Variants in SOX12 observed in about 807,000 individuals in gnomAD.
SOX12 encodes transcription factor SOX-12.
In SOX12, 8 loss-of-function variants were observed where a neutral mutation model predicts 21.5. That is an observed-to-expected ratio of 0.37 (90% CI 0.22 to 0.67). SOX12 has a LOEUF of 0.67. SOX12 is among the 30% of genes least tolerant of loss of function. The pLI, the probability that SOX12 is intolerant of heterozygous loss-of-function variation, is 0.56. For synonymous variants in SOX12, 235 were observed against 224.2 expected, an observed-to-expected ratio of 1.05 and a Z score of -0.43; for missense variants, 400 against 482.6, an observed-to-expected ratio of 0.83 and a Z score of 1.60.
At position 326,785 on chromosome 20, in the gene SOX12, C is replaced by T. The variant is rs2013105000; in HGVS notation, c.861C>T (p.Phe287=). 2 of 1,613,666 alleles carry T rather than the reference C, an allele frequency of 1.2e-6. No individual in the cohort carries two copies. The highest frequency in any genetic ancestry group is 1.7e-6 in the Non-Finnish European group (2 of 1,179,886). ...QPPSGTSHFE[F]PDYCTPEVTE... ...CCTCGGGCACGTCGCACTTCGAGTT[C>T]CCGGACTACTGCACCCCCGAGGTTA... The change falls in exon 1 of 1, where the codon TTC becomes TTT. Residue 287 remains phenylalanine (F), a synonymous_variant. Coordinates refer to ENST00000342665, the MANE Select transcript of SOX12 (RefSeq NM_006943.4). The surrounding 1 kb of genome is among the most constrained non-coding windows in gnomAD (Gnocchi z 9.9).
rs1241815773 is a variant in SOX12 at position 328,296 on chromosome 20, GCCCT to G, written c.*1426_*1429del. 1.1e-5 allele frequency: 1 copy of G among 89,740 alleles called. No individual in the cohort carries two copies. Among genetic ancestry groups the G allele is most frequent in the Non-Finnish European group, 2.8e-5 (1 of 35,254 alleles). 5.6% of individuals were successfully genotyped at this position (89,740 alleles called of 1,614,324 possible). On this transcript the variant is annotated 3_prime_UTR_variant, in exon 1 of 1. Transcript: ENST00000342665. ...CCTCCGGCCTCCCCACACCCCCCTT[GCCCT>G]CACTACCTGTATCTCACCGGCGTGT... is the stretch of plus-strand genomic sequence containing the variant.
chr20:329,482 G>C lies in SOX12; in HGVS notation c.*2610G>C, dbSNP rs574505291. ...CTTCCTGGTGAAGCATGGCTTCGGG[G>C]TGCTGCCTCTCCCTCCCTGTTTGAA... On this transcript the variant is annotated 3_prime_UTR_variant, in exon 1 of 1. Transcript: ENST00000342665. 7 of 167,178 alleles carry C rather than the reference G, an allele frequency of 4.2e-5. No homozygotes were observed. Among genetic ancestry groups the C allele is most frequent in the African/African-American group, 1.7e-4 (7 of 41,582 alleles). The allele number at this position is 167,178 out of a possible 1,614,324, so 10.4% of individuals were successfully genotyped here.
rs1350911968 is a variant in SOX12, at chr20:326,634, C to T, written c.710C>T (p.Ala237Val). 7 of 1,547,032 alleles carry T rather than the reference C, an allele frequency of 4.5e-6. No individual in the cohort carries two copies. The highest frequency in any genetic ancestry group is 6.1e-6 in the Non-Finnish European group (7 of 1,144,578). ...PEEEEEEAAA[A>V]EEGEEETVAS... is the part of the protein sequence containing the mutation. ...GAAGAGGAGGAGGAGGCGGCAGCGGCTGAGGAAGGTGAAGAGGAGACGGTG... is the reference window on the plus strand; with the variant it reads ...GAAGAGGAGGAGGAGGCGGCAGCGGTTGAGGAAGGTGAAGAGGAGACGGTG... The change falls in exon 1 of 1, where the codon GCT becomes GTT. Residue 237 changes from alanine to valine, a missense_variant. Physicochemically the swap from Ala to Val is moderately conservative, Grantham distance 64. Coordinates refer to ENST00000342665, the MANE Select transcript of SOX12 (RefSeq NM_006943.4). This position sits in a 1 kb window ranked among gnomAD's most constrained non-coding sequence, Gnocchi z 9.9.
Position 326,573 on chromosome 20 carries a change from G to T in SOX12, c.649G>T (p.Ala217Ser). ...SGEGAAAAAA[A>S]SPTPSEDEEP... ...CGAGGGGGCGGCCGCCGCCGCCGCC[G>T]CCTCCCCGACACCGTCGGAGGACGA... The change falls in exon 1 of 1, where the codon GCC becomes TCC. Residue 217 changes from alanine (A) to serine (S), a missense_variant. Ala to Ser is a moderately conservative substitution (Grantham distance 99). Transcript: ENST00000342665. The surrounding 1 kb of genome is among the most constrained non-coding windows in gnomAD (Gnocchi z 9.9). 6.6e-7 allele frequency: 1 copy of T among 1,523,422 alleles called. No homozygotes were observed. Among genetic ancestry groups the T allele is most frequent in the Non-Finnish European group, 8.8e-7 (1 of 1,139,068 alleles). The allele number at this position is 1,523,422 out of a possible 1,614,324, so 94.4% of individuals were successfully genotyped here.
Position 328,521 on chromosome 20 carries a change from T to C in SOX12, c.*1649T>C, listed in dbSNP as rs1449619041. 12 of 150,612 alleles carry C rather than the reference T, an allele frequency of 8.0e-5. No individual in the cohort carries two copies. The highest frequency in any genetic ancestry group is 3.2e-4 in the African/African-American group (11 of 33,866). 9.3% of individuals were successfully genotyped at this position (150,612 alleles called of 1,614,324 possible). A position where few individuals can be genotyped will look rare whatever the true frequency, so the allele number is the denominator to read the frequency against. ...TCTGGGCCTTTCTTGCGCTCTATTT[T>C]TTTTTTTTTTTTTTTTAAGAAAAAC... On this transcript the variant is annotated 3_prime_UTR_variant, in exon 1 of 1. Coordinates refer to ENST00000342665, the MANE Select transcript of SOX12 (RefSeq NM_006943.4).
At position 327,069 on chromosome 20, in the gene SOX12, C is replaced by G. The variant is rs2013112336; in HGVS notation, c.*197C>G. The G allele has an allele frequency of 1.6e-6, 1 of 614,554 alleles. No homozygotes were observed. The highest frequency in any genetic ancestry group is 2.0e-5 in the African/African-American group (1 of 51,214). The allele number at this position is 614,554 out of a possible 1,614,324, so 38.1% of individuals were successfully genotyped here. On this transcript the variant is annotated 3_prime_UTR_variant, in exon 1 of 1. Transcript: ENST00000342665. Reference sequence around the variant, plus strand: ...ACCCCAAGGCAGCCCAACCCCCACCCCTTCCCCGACACCCAAGCCCCTCCC... The same window carrying G: ...ACCCCAAGGCAGCCCAACCCCCACCGCTTCCCCGACACCCAAGCCCCTCCC...
At position 327,006 on chromosome 20, in the gene SOX12, C is replaced by T. The variant is rs1333631391; in HGVS notation, c.*134C>T. On this transcript the variant is annotated 3_prime_UTR_variant, in exon 1 of 1. Coordinates refer to ENST00000342665, the MANE Select transcript of SOX12 (RefSeq NM_006943.4). ...CTGCCCCCTCCTGGACGTGCCCATC[C>T]CCCCTCAGATCCAGACATGCCCCTC... is the stretch of plus-strand genomic sequence containing the variant. The T allele has an allele frequency of 2.4e-6, 2 of 817,492 alleles. No homozygotes were observed. Among genetic ancestry groups the T allele is most frequent in the Admixed American group, 2.0e-5 (1 of 50,984 alleles). 50.6% of individuals were successfully genotyped at this position (817,492 alleles called of 1,614,324 possible).
Position 326,619 on chromosome 20 carries a change from A to G in SOX12, c.695A>G (p.Glu232Gly). ...SEDEEPEEEEEEAAAAEEGEE... is the reference protein window; with the variant it reads ...SEDEEPEEEEGEAAAAEEGEE... Reference sequence around the variant, plus strand: ...GACGAGGAGCCGGAGGAAGAGGAGGAGGAGGCGGCAGCGGCTGAGGAAGGT... The same window carrying G: ...GACGAGGAGCCGGAGGAAGAGGAGGGGGAGGCGGCAGCGGCTGAGGAAGGT... Residue 232 changes from glutamate (E) to glycine (G), a missense_variant, in exon 1 of 1, where the codon GAG becomes GGG. Coordinates refer to ENST00000342665, the MANE Select transcript of SOX12 (RefSeq NM_006943.4). This position sits in a 1 kb window ranked among gnomAD's most constrained non-coding sequence, Gnocchi z 9.9. 6.5e-7 allele frequency: 1 copy of G among 1,543,692 alleles called. No individual in the cohort carries two copies. Among genetic ancestry groups the G allele is most frequent in the Non-Finnish European group, 8.8e-7 (1 of 1,142,704 alleles).
Position 326,639 on chromosome 20 carries a change from G to A in SOX12, c.715G>A (p.Glu239Lys). 3 of 1,548,386 alleles carry A rather than the reference G, an allele frequency of 1.9e-6. No homozygotes were observed. The highest frequency in any genetic ancestry group is 1.7e-6 in the Non-Finnish European group (2 of 1,145,206). Residue 239 changes from glutamate to lysine, a missense_variant, in exon 1 of 1, where the codon GAA (glutamate) becomes AAA (lysine). Coordinates refer to ENST00000342665, the MANE Select transcript of SOX12 (RefSeq NM_006943.4). The surrounding 1 kb of genome is among the most constrained non-coding windows in gnomAD (Gnocchi z 9.9). ...EEEEEAAAAE[E>K]GEEETVASGE... ...GGAGGAGGAGGCGGCAGCGGCTGAG[G>A]AAGGTGAAGAGGAGACGGTGGCGTC...
In SOX12 at chr20:327,035, C is replaced by G; in HGVS notation, c.*163C>G. 1.5e-6 allele frequency: 1 copy of G among 681,498 alleles called. No homozygotes were observed. The highest frequency in any genetic ancestry group is 2.6e-6 in the Non-Finnish European group (1 of 380,718). 42.2% of individuals were successfully genotyped at this position (681,498 alleles called of 1,614,324 possible). A position where few individuals can be genotyped will look rare whatever the true frequency, so the allele number is the denominator to read the frequency against. On this transcript the variant is annotated 3_prime_UTR_variant, in exon 1 of 1. Transcript: ENST00000342665. ...CTCAGATCCAGACATGCCCCTCCCCCGCAGACACACCCCAAGGCAGCCCAA... is the reference window on the plus strand; with the variant it reads ...CTCAGATCCAGACATGCCCCTCCCCGGCAGACACACCCCAAGGCAGCCCAA...
rs1041476189 is a variant in SOX12 at position 326,448 on chromosome 20, A to G, written c.524A>G (p.Glu175Gly). Reference protein sequence around the residue: ...DDEDDDEELLEVRLVETPGRE... With the variant: ...DDEDDDEELLGVRLVETPGRE... ...GAAGACGACGACGAGGAGCTGCTGGAAGTGCGCCTGGTCGAGACCCCGGGG... is the reference window on the plus strand; with the variant it reads ...GAAGACGACGACGAGGAGCTGCTGGGAGTGCGCCTGGTCGAGACCCCGGGG... The change falls in exon 1 of 1, where the codon GAA becomes GGA. Residue 175 changes from glutamate to glycine, a missense_variant. By Grantham distance (98) the Glu-to-Gly change is moderately conservative. Around this residue, in one of 4 missense-constraint regions of SOX12, gnomAD observed 235 missense variants for 219.3 expected, o/e 1.07. Coordinates refer to ENST00000342665, the MANE Select transcript of SOX12 (RefSeq NM_006943.4). The surrounding 1 kb of genome is among the most constrained non-coding windows in gnomAD (Gnocchi z 9.9). 19 of 1,374,358 alleles carry G rather than the reference A, an allele frequency of 1.4e-5. No individual in the cohort carries two copies. Among genetic ancestry groups the G allele is most frequent in the Non-Finnish European group, 1.7e-5 (18 of 1,071,842 alleles). 85.1% of individuals were successfully genotyped at this position (1,374,358 alleles called of 1,614,324 possible). A position where few individuals can be genotyped will look rare whatever the true frequency, so the allele number is the denominator to read the frequency against.
In SOX12 at chr20:325,970, C is replaced by A; in HGVS notation, c.46C>A (p.Pro16Thr). Residue 16 changes from proline (P) to threonine (T), a missense_variant, in exon 1 of 1, where the codon CCG becomes ACG. Pro to Thr is a conservative substitution (Grantham distance 38, BLOSUM62 -1). Coordinates refer to ENST00000342665, the MANE Select transcript of SOX12 (RefSeq NM_006943.4). This position sits in a 1 kb window ranked among gnomAD's most constrained non-coding sequence, Gnocchi z 5.0. ...GAGGGCCAAGCGGGACGGCGGGCCG[C>A]CGCCCCCGGGACCCGGGCCGGCCGA... Reference protein sequence around the residue: ...GARAKRDGGPPPPGPGPAEEG... With the variant: ...GARAKRDGGPTPPGPGPAEEG... 2 of 1,398,340 alleles carry A rather than the reference C, an allele frequency of 1.4e-6. No homozygotes were observed. The highest frequency in any genetic ancestry group is 3.1e-5 in the East Asian group (1 of 31,768). 86.6% of individuals were successfully genotyped at this position (1,398,340 alleles called of 1,614,324 possible).
Position 327,257 on chromosome 20 carries a change from G to C in SOX12, c.*385G>C, listed in dbSNP as rs906829458. The C allele has an allele frequency of 2.5e-5, 6 of 236,158 alleles. No individual in the cohort carries two copies. Among genetic ancestry groups the C allele is most frequent in the Admixed American group, 2.3e-4 (4 of 17,320 alleles). 14.6% of individuals were successfully genotyped at this position (236,158 alleles called of 1,614,324 possible). ...TCCGGAATCTCTCCTCCCTCGCCCG[G>C]CCCGCCTTCTCTGGGTTAGGGGGGC... On this transcript the variant is annotated 3_prime_UTR_variant, in exon 1 of 1. Transcript: ENST00000342665.
chr20:326,387 T>C lies in SOX12; in HGVS notation c.463T>C (p.Leu155=), dbSNP rs920527550. The change falls in exon 1 of 1, where the codon TTG becomes CTG. Residue 155 remains leucine (L), a synonymous_variant. Transcript: ENST00000342665. This position sits in a 1 kb window ranked among gnomAD's most constrained non-coding sequence, Gnocchi z 9.9. The part of the protein sequence containing the change: ...RGGRRAAGGP[L]GGGAAAPEDD... ...GGGCCGCCGAGCAGCGGGAGGGCCTTTGGGGGGCGGGGCGGCGGCGCCCGA... is the reference window on the plus strand; with the variant it reads ...GGGCCGCCGAGCAGCGGGAGGGCCTCTGGGGGGCGGGGCGGCGGCGCCCGA... 68 of 1,332,450 alleles carry C rather than the reference T, an allele frequency of 5.1e-5. No homozygotes were observed. The highest frequency in any genetic ancestry group is 6.4e-5 in the Non-Finnish European group (67 of 1,045,848). The allele number at this position is 1,332,450 out of a possible 1,614,324, so 82.5% of individuals were successfully genotyped here. A position where few individuals can be genotyped will look rare whatever the true frequency, so the allele number is the denominator to read the frequency against.
At position 327,314 on chromosome 20, in the gene SOX12, T is replaced by C; in HGVS notation, c.*442T>C. ...GCCGGGTGGCAACGCACGCGCCTCC[T>C]GCGCCCCTCCCTTCCCTGGGGGGAG... On this transcript the variant is annotated 3_prime_UTR_variant, in exon 1 of 1. Coordinates refer to ENST00000342665, the MANE Select transcript of SOX12 (RefSeq NM_006943.4). 1 of 204,550 alleles carries C rather than the reference T, an allele frequency of 4.9e-6. No homozygotes were observed. Among genetic ancestry groups the C allele is most frequent in the Non-Finnish European group, 1.1e-5 (1 of 91,598 alleles). 12.7% of individuals were successfully genotyped at this position (204,550 alleles called of 1,614,324 possible).
In SOX12 at chr20:328,070, G is replaced by A. The variant is rs993999868; in HGVS notation, c.*1198G>A. On this transcript the variant is annotated 3_prime_UTR_variant, in exon 1 of 1. Transcript: ENST00000342665. ...TCTCGCTTTTAAACATCTGGTTTGG[G>A]AGAGACCATCGACTTGGCCAGTGAG... 5 of 167,200 alleles carry A rather than the reference G, an allele frequency of 3.0e-5. No individual in the cohort carries two copies. The highest frequency in any genetic ancestry group is 1.2e-4 in the African/African-American group (5 of 41,466). 10.4% of individuals were successfully genotyped at this position (167,200 alleles called of 1,614,324 possible). A position where few individuals can be genotyped will look rare whatever the true frequency, so the allele number is the denominator to read the frequency against.
chr20:325,811 G>C lies in SOX12; in HGVS notation c.-114G>C. The C allele has an allele frequency of 2.1e-6, 1 of 469,390 alleles. No homozygotes were observed. Among genetic ancestry groups the C allele is most frequent in the Non-Finnish European group, 2.8e-6 (1 of 356,038 alleles). 29.1% of individuals were successfully genotyped at this position (469,390 alleles called of 1,614,324 possible). A position where few individuals can be genotyped will look rare whatever the true frequency, so the allele number is the denominator to read the frequency against. On this transcript the variant is annotated 5_prime_UTR_variant, in exon 1 of 1. Transcript: ENST00000342665. This position sits in a 1 kb window ranked among gnomAD's most constrained non-coding sequence, Gnocchi z 5.0. ...TCGCTCCCCAGTTCGCGGGGGCCGG[G>C]CCGAGCCGCGGGGCGGGGCCGCCCC...
In SOX12 at chr20:327,160, T is replaced by G; in HGVS notation, c.*288T>G. On this transcript the variant is annotated 3_prime_UTR_variant, in exon 1 of 1. Transcript: ENST00000342665. ...CTCCGATACACCTCCCGTCCTCTCC[T>G]ACAGACCTGCACCCCTCCCCCCTTT... The G allele has an allele frequency of 2.4e-6, 1 of 408,692 alleles. No individual in the cohort carries two copies. The highest frequency in any genetic ancestry group is 4.7e-6 in the Non-Finnish European group (1 of 213,772). The allele number at this position is 408,692 out of a possible 1,614,324, so 25.3% of individuals were successfully genotyped here.
chr20:326,457 T>A lies in SOX12; in HGVS notation c.533T>A (p.Leu178Gln), dbSNP rs372611150. 1.4e-6 allele frequency: 2 copies of A among 1,381,750 alleles called. No homozygotes were observed. Among genetic ancestry groups the A allele is most frequent in the Non-Finnish European group, 9.3e-7 (1 of 1,076,504 alleles). 85.6% of individuals were successfully genotyped at this position (1,381,750 alleles called of 1,614,324 possible). Residue 178 changes from leucine (L) to glutamine (Q), a missense_variant, in exon 1 of 1, where the codon CTG (leucine) becomes CAG (glutamine). By Grantham distance (113) the Leu-to-Gln change is moderately radical. Coordinates refer to ENST00000342665, the MANE Select transcript of SOX12 (RefSeq NM_006943.4). The surrounding 1 kb of genome is among the most constrained non-coding windows in gnomAD (Gnocchi z 9.9). ...GACGAGGAGCTGCTGGAAGTGCGCCTGGTCGAGACCCCGGGGCGGGAGCTG... is the reference window on the plus strand; with the variant it reads ...GACGAGGAGCTGCTGGAAGTGCGCCAGGTCGAGACCCCGGGGCGGGAGCTG... ...DDDEELLEVR[L>Q]VETPGRELWR...
Sources: gnomAD v4.1 joint callset for allele counts on GRCh38, gnomAD v4.1.1 for gene constraint, gnomAD v4.1.1 regional missense constraint, Gnocchi (gnomAD v3.1) non-coding constraint, MANE v1.5 for transcripts, NCBI Gene and HGNC (gene_info 2026-07-23, HGNC 2026-07-21) for gene names.